Variants in TOP1 observed in about 807,000 individuals in gnomAD.
TOP1 encodes DNA topoisomerase 1.
Under a neutral mutation model 111.1 loss-of-function variants are expected in TOP1, and 10 were observed. That is an observed-to-expected ratio of 0.09 (90% CI 0.06 to 0.15). TOP1 has a LOEUF of 0.15. Ranked by LOEUF, TOP1 falls within the 10% of genes least tolerant of loss-of-function variation. The pLI is 1.00. For synonymous variants in TOP1, 271 were observed against 302.9 expected (o/e 0.89, Z 1.10); for missense variants, 474 against 926.7 (o/e 0.51, Z 6.34).
rs567107906 is a variant in TOP1, at chr20:41,102,889, TA to T, written c.1308+1537del. The stretch of plus-strand genomic sequence containing the variant: ...AAATGCATTAGATAAACAGAGGAGT[TA>T]TTTGCAGCACCTTAGAGATCAACAA... On this transcript the variant is annotated intron_variant, in intron 13 of 20. Coordinates refer to ENST00000361337, the MANE Select transcript of TOP1 (RefSeq NM_003286.4). This position sits in a 1 kb window ranked among gnomAD's most constrained non-coding sequence, Gnocchi z 4.0. Among the ~76,000 whole-genome samples the T allele has an allele frequency of 6.6e-6, 1 of 152,180 alleles. No homozygotes were observed. Among genetic ancestry groups the T allele is most frequent in the South Asian group, 2.1e-4 (1 of 4,824 alleles).
At chr20:41,039,284 G>A (rs1183195434) in intron 2 of TOP1, among the ~76,000 whole-genome samples, 1 of 152,122 alleles carries the variant, frequency 6.6e-6, no homozygotes, top group Non-Finnish European at 1.5e-5. Flanking sequence ...TTAGGCCTCA[G>A]TACAAAGGCT....
At position 41,061,281 on chromosome 20, in the gene TOP1, G is replaced by T; in HGVS notation, c.59-113G>T. 1 of 951,226 alleles carries T rather than the reference G, an allele frequency of 1.1e-6. No individual in the cohort carries two copies. The highest frequency in any genetic ancestry group is 1.6e-5 in the African/African-American group (1 of 61,340). The allele number at this position is 951,226 out of a possible 1,614,324, so 58.9% of individuals were successfully genotyped here. On this transcript the variant is annotated intron_variant, in intron 2 of 20. Coordinates refer to ENST00000361337, the MANE Select transcript of TOP1 (RefSeq NM_003286.4). The surrounding 1 kb of genome is among the most constrained non-coding windows in gnomAD (Gnocchi z 4.6). ...TTTTTTCAGTGGCATGTGCTATTAT[G>T]CCTACCATGCCATTTGAATCCTGTC... is the stretch of plus-strand genomic sequence containing the variant.
At position 41,029,161 on chromosome 20, in the gene TOP1, G is replaced by T; in HGVS notation, c.33+61G>T. Reference sequence around the variant, plus strand: ...CGGCCTGGCCGTCCCGCGACCCCCGGCGCAGGCCCCGACCCCAGCCCCGGC... The same window carrying T: ...CGGCCTGGCCGTCCCGCGACCCCCGTCGCAGGCCCCGACCCCAGCCCCGGC... On this transcript the variant is annotated intron_variant, in intron 1 of 20. Transcript: ENST00000361337. This position sits in a 1 kb window ranked among gnomAD's most constrained non-coding sequence, Gnocchi z 6.1. The T allele has an allele frequency of 7.6e-7, 1 of 1,319,370 alleles. No homozygotes were observed. 81.7% of individuals were successfully genotyped at this position (1,319,370 alleles called of 1,614,324 possible). A position where few individuals can be genotyped will look rare whatever the true frequency, so the allele number is the denominator to read the frequency against.
rs553592871 is a variant in TOP1 at position 41,071,564 on chromosome 20, C to T, written c.156-4607C>T. 5.3e-4 allele frequency among the ~76,000 whole-genome samples: 81 copies of T among 152,082 alleles called. 1 individual carries two copies. The highest frequency in any genetic ancestry group is 1.8e-3 in the African/African-American group (73 of 41,472). ...TTCACTGTGTTGCCCAGGCTGGTCT[C>T]GAACTCCTGACCTCAGGTGATCTGC... On this transcript the variant is annotated intron_variant, in intron 3 of 20. Transcript: ENST00000361337. This position sits in a 1 kb window ranked among gnomAD's most constrained non-coding sequence, Gnocchi z 4.3.
intron 2 of TOP1, among the ~76,000 whole-genome samples, chr20:41,031,539 C>A (rs1208459334): frequency 1.3e-5 from 2 of 152,194 alleles, no homozygotes; most frequent in Admixed American, 1.3e-4. Flanking sequence ...TGTGTTGGCT[C>A]ACATTTAATA....
Position 41,029,497 on chromosome 20 carries a change from C to G in TOP1, c.58+42C>G. 1 of 1,518,460 alleles carries G rather than the reference C, an allele frequency of 6.6e-7. No individual in the cohort carries two copies. The allele number at this position is 1,518,460 out of a possible 1,614,324, so 94.1% of individuals were successfully genotyped here. ...CGCCGACTCCGGGGCCCCCCAGCCGCCGGCCGCCTCCCCCGCGCCCTGCCG... is the reference window on the plus strand; with the variant it reads ...CGCCGACTCCGGGGCCCCCCAGCCGGCGGCCGCCTCCCCCGCGCCCTGCCG... On this transcript the variant is annotated intron_variant, in intron 2 of 20. Transcript: ENST00000361337. The surrounding 1 kb of genome is among the most constrained non-coding windows in gnomAD (Gnocchi z 6.1).
Position 41,029,024 on chromosome 20 carries a change from C to A in TOP1, c.-44C>A. 1 of 1,532,146 alleles carries A rather than the reference C, an allele frequency of 6.5e-7. No individual in the cohort carries two copies. The highest frequency in any genetic ancestry group is 1.4e-5 in the African/African-American group (1 of 70,862). The allele number at this position is 1,532,146 out of a possible 1,614,324, so 94.9% of individuals were successfully genotyped here. A position where few individuals can be genotyped will look rare whatever the true frequency, so the allele number is the denominator to read the frequency against. Reference sequence around the variant, plus strand: ...GGCCGGTTCGCCGTCTGCGTCTCCCCCACGCCGCCTCGCCTGCCGCCGCGC... The same window carrying A: ...GGCCGGTTCGCCGTCTGCGTCTCCCACACGCCGCCTCGCCTGCCGCCGCGC... On this transcript the variant is annotated 5_prime_UTR_variant, in exon 1 of 21. Transcript: ENST00000361337. This position sits in a 1 kb window ranked among gnomAD's most constrained non-coding sequence, Gnocchi z 6.1.
chr20:41,071,532 A>G lies in TOP1; in HGVS notation c.156-4639A>G, dbSNP rs965694685. On this transcript the variant is annotated intron_variant, in intron 3 of 20. Coordinates refer to ENST00000361337, the MANE Select transcript of TOP1 (RefSeq NM_003286.4). The surrounding 1 kb of genome is among the most constrained non-coding windows in gnomAD (Gnocchi z 4.3). ...GCTAATTTTTGTATTTTTAGTAGAA[A>G]TGGGGTTTCACTGTGTTGCCCAGGC... is the stretch of plus-strand genomic sequence containing the variant. Among the ~76,000 whole-genome samples the G allele has an allele frequency of 6.6e-6, 1 of 152,022 alleles. No individual in the cohort carries two copies. The highest frequency in any genetic ancestry group is 1.5e-5 in the Non-Finnish European group (1 of 67,990).
Position 41,092,465 on chromosome 20 carries a change from T to C in TOP1, c.615-7T>C. On this transcript the variant is annotated splice_region_variant and splice_polypyrimidine_tract_variant and intron_variant, in intron 8 of 20. Transcript: ENST00000361337. This position sits in a 1 kb window ranked among gnomAD's most constrained non-coding sequence, Gnocchi z 4.3. ...CACTAAATGAGGCTGTGCTTTGTCT[T>C]TTAAAGGTGGGAAGAAGAGCGCTAT... 6.7e-7 allele frequency: 1 copy of C among 1,491,752 alleles called. No individual in the cohort carries two copies. The allele number at this position is 1,491,752 out of a possible 1,614,324, so 92.4% of individuals were successfully genotyped here. A position where few individuals can be genotyped will look rare whatever the true frequency, so the allele number is the denominator to read the frequency against.
chr20:41,089,165 C>T (rs1433251567), intron 8 of TOP1, among the ~76,000 whole-genome samples: 1 of 151,854 alleles, frequency 6.6e-6, no homozygotes, highest in African/African-American at 2.4e-5. Context: ...GCTGGGATTA[C>T]AGGCTCCCAC....
intron 2 of TOP1, among the ~76,000 whole-genome samples, chr20:41,052,987 C>G (rs2033424485): frequency 6.6e-6 from 1 of 152,046 alleles, no homozygotes; most frequent in South Asian, 2.1e-4. Flanking sequence ...GAGACTCTGT[C>G]TAAACAAACA....
intron 2 of TOP1, among the ~76,000 whole-genome samples, chr20:41,054,310 A>T (rs1383059851): frequency 2.0e-5 from 3 of 149,442 alleles, no homozygotes; most frequent in African/African-American, 7.4e-5. Context: ...CCGCCCCCGC[A>T]CCTGCCCCAC....
At position 41,121,946 on chromosome 20, in the gene TOP1, T is replaced by A; in HGVS notation, c.2046-60T>A. On this transcript the variant is annotated intron_variant, in intron 19 of 20. Coordinates refer to ENST00000361337, the MANE Select transcript of TOP1 (RefSeq NM_003286.4). This position sits in a 1 kb window ranked among gnomAD's most constrained non-coding sequence, Gnocchi z 4.2. ...TATTGACTCAAAGTGGCAGGATGGG[T>A]ACAGTGTGCTCTTGTCTAGAGCCCA... The A allele has an allele frequency of 1.3e-6, 2 of 1,595,184 alleles. No individual in the cohort carries two copies. Among genetic ancestry groups the A allele is most frequent in the Non-Finnish European group, 1.7e-6 (2 of 1,168,604 alleles).
chr20:41,057,711 G>T (rs879699437), intron 2 of TOP1, among the ~76,000 whole-genome samples: 1 of 152,004 alleles, frequency 6.6e-6, no homozygotes, highest in African/African-American at 2.4e-5. Context: ...GTATTTATGC[G>T]TTTGTTGAAT....
At chr20:41,031,936 G>C (rs1273911519) in intron 2 of TOP1, among the ~76,000 whole-genome samples, 1 of 152,174 alleles carries the variant, frequency 6.6e-6, no homozygotes, top group African/African-American at 2.4e-5. Flanking sequence ...TCTGACATTG[G>C]TGTAATTATT....
In TOP1 at chr20:41,078,073, A is replaced by G. The variant is rs1044459446; in HGVS notation, c.335+436A>G. Among the ~76,000 whole-genome samples the G allele has an allele frequency of 1.3e-5, 2 of 152,036 alleles. No homozygotes were observed. The highest frequency in any genetic ancestry group is 4.8e-5 in the African/African-American group (2 of 41,382). ...AGTAGCGATTATGGAGTTTTCTGAA[A>G]AATCACTTAGTCTGATTTCATCATT... On this transcript the variant is annotated intron_variant, in intron 5 of 20. Transcript: ENST00000361337. The surrounding 1 kb of genome is among the most constrained non-coding windows in gnomAD (Gnocchi z 5.3).
At chr20:41,048,114 C>A in intron 2 of TOP1, among the ~76,000 whole-genome samples, 1 of 151,694 alleles carries the variant, frequency 6.6e-6, no homozygotes, top group Admixed American at 6.6e-5. Context: ...AAAAAAATTC[C>A]CCAGAGGCTG....
At chr20:41,052,456 G>T (rs1273164563) in intron 2 of TOP1, among the ~76,000 whole-genome samples, 3 of 152,170 alleles carry the variant, frequency 2.0e-5, no homozygotes, top group Non-Finnish European at 4.4e-5. Flanking sequence ...ATATATGCCT[G>T]ATGTGACATT....
intron 13 of TOP1, among the ~76,000 whole-genome samples, chr20:41,103,856 A>C (rs1269833330): frequency 6.6e-6 from 1 of 151,574 alleles, no homozygotes; most frequent in Non-Finnish European, 1.5e-5. Flanking sequence ...TCTCATCTTA[A>C]ATGTTAACTC....
Sources: allele counts gnomAD v4.1 joint callset (sites outside exome capture counted in the v4.1 genomes callset), GRCh38; gene constraint gnomAD v4.1.1; non-coding constraint Gnocchi (gnomAD v3.1); transcripts MANE v1.5; gene names NCBI Gene and HGNC (gene_info 2026-07-23, HGNC 2026-07-21).